TOMM20L: variants seen among roughly 807,000 people sequenced by gnomAD.
The protein encoded by TOMM20L is TOMM20-like protein 1.
A neutral mutation model predicts 20.4 loss-of-function variants in TOMM20L; 19 were observed. The ratio of observed to expected loss-of-function variants is 0.93; its 90% confidence interval spans 0.65 to 1.36. The LOEUF (loss-of-function observed/expected upper bound fraction) is 1.36. Among genes scored for constraint, TOMM20L ranks in the 40% most tolerant of loss-of-function variants. TOMM20L has a pLI of 0.00. For missense variants in TOMM20L, 218 were observed against 203.7 expected (o/e 1.07, Z -0.43); for synonymous variants, 75 against 79.6 (o/e 0.94, Z 0.30).
At chr14:58,413,389 T>G (rs1260424059), downstream of TOMM20L, among the ~76,000 whole-genome samples, 5 of 152,194 alleles carry the variant, frequency 3.3e-5, no homozygotes, top group Non-Finnish European at 4.4e-5. Context: ...CAAACACCAT[T>G]TGCTTAGAAA....
At chr14:58,397,099 G>A (rs1191867425) in intron 2 of TOMM20L, among the ~76,000 whole-genome samples, 1 of 152,196 alleles carries the variant, frequency 6.6e-6, no homozygotes, top group East Asian at 1.9e-4. Flanking sequence ...TTCCTATGTT[G>A]CCCAGGCTGA....
chr14:58,412,149 T>C, downstream of TOMM20L: 1 of 507,442 alleles, frequency 2.0e-6, no homozygotes. Flanking sequence ...AATTAGATTT[T>C]CTTTTTTTTT....
chr14:58,416,538 C>T, the TOMM20L span, among the ~76,000 whole-genome samples: 5 of 152,166 alleles, frequency 3.3e-5, no homozygotes, highest in African/African-American at 1.2e-4. Context: ...AAAATAATCG[C>T]TCAAGTTTCT....
At chr14:58,396,999 C>T (rs936754747) in intron 2 of TOMM20L, among the ~76,000 whole-genome samples, 1 of 152,142 alleles carries the variant, frequency 6.6e-6, no homozygotes, top group African/African-American at 2.4e-5. Context: ...GAGACTGAGG[C>T]AGGAGAATTG....
intron 2 of TOMM20L, among the ~76,000 whole-genome samples, chr14:58,399,992 T>C (rs2035973755): frequency 6.8e-6 from 1 of 147,992 alleles, no homozygotes; most frequent in East Asian, 2.0e-4. Context: ...TTACCCAGGT[T>C]ATTGTAATAG....
At chr14:58,399,560 C>A (rs2035965215) in intron 2 of TOMM20L, among the ~76,000 whole-genome samples, 1 of 151,970 alleles carries the variant, frequency 6.6e-6, no homozygotes, top group African/African-American at 2.4e-5. Context: ...GAAACATGGG[C>A]CTTGGGTTCT....
intron 3 of TOMM20L, among the ~76,000 whole-genome samples, chr14:58,403,605 G>T (rs962642554): frequency 6.6e-6 from 1 of 152,042 alleles, no homozygotes. Context: ...TTGGGAGGCC[G>T]AGGTGGGCGG....
Position 58,405,303 on chromosome 14 carries a change from T to C in TOMM20L, c.263-2023T>C, listed in dbSNP as rs563792562. Reference sequence around the variant, plus strand: ...ATTTTGTACTCATAATTTTATATTCTTTTTTGTAAACAAGGGCCCTCAAAT... The same window carrying C: ...ATTTTGTACTCATAATTTTATATTCCTTTTTGTAAACAAGGGCCCTCAAAT... On this transcript the variant is annotated intron_variant, in intron 3 of 4. Transcript: ENST00000360945. Among the ~76,000 whole-genome samples the C allele has an allele frequency of 1.8e-4, 28 of 152,252 alleles. No homozygotes were observed. The East Asian group carries it at 5.2e-3, about 28-fold the overall frequency.
chr14:58,409,312 C>T (rs1386453719), downstream of TOMM20L: 1 of 876,944 alleles, frequency 1.1e-6, no homozygotes, highest in African/African-American at 1.7e-5. Flanking sequence ...CAGCAACTGA[C>T]CATAGCTTTT....
chr14:58,416,489 T>C, the TOMM20L span, among the ~76,000 whole-genome samples: 2 of 152,174 alleles, frequency 1.3e-5, no homozygotes, highest in African/African-American at 4.8e-5. Flanking sequence ...TTCTCAAATG[T>C]AGGAAAACTA....
downstream of TOMM20L, among the ~76,000 whole-genome samples, chr14:58,411,665 C>T (rs377701642): frequency 5.8e-4 from 88 of 151,744 alleles, 1 homozygote; most frequent in African/African-American, 1.9e-3. Flanking sequence ...CAGCCTCCCA[C>T]GTAGCTGGGA....
At chr14:58,414,239 A>C in the TOMM20L span, among the ~76,000 whole-genome samples, 1 of 152,102 alleles carries the variant, frequency 6.6e-6, no homozygotes, top group South Asian at 2.1e-4. Context: ...GGAAAACATA[A>C]ATTCTTTATG....
chr14:58,415,980 C>G, the TOMM20L span, among the ~76,000 whole-genome samples: 5 of 151,712 alleles, frequency 3.3e-5, no homozygotes, highest in Non-Finnish European at 7.4e-5. Context: ...CTTTGGGAGG[C>G]CAAAGCGGGT....
chr14:58,410,282 C>T (rs190958328), downstream of TOMM20L, among the ~76,000 whole-genome samples: 5 of 151,880 alleles, frequency 3.3e-5, no homozygotes, highest in South Asian at 6.3e-4. Flanking sequence ...ACCATGTTGC[C>T]GAGGCTGGTT....
chr14:58,408,412 C>T (rs1156656039), intron 4 of TOMM20L, 117 bp from the exon 5 acceptor site: 46 of 878,386 alleles, frequency 5.2e-5, no homozygotes, highest in African/African-American at 1.1e-4. Context: ...AGCAAAACTC[C>T]GTCTCAAAAA....
At chr14:58,405,912 A>T (rs1374801451) in intron 3 of TOMM20L, among the ~76,000 whole-genome samples, 2 of 152,174 alleles carry the variant, frequency 1.3e-5, no homozygotes, top group South Asian at 2.1e-4. Flanking sequence ...AAACCAATTA[A>T]ATCAGAATCT....
rs1594992975 is a variant in TOMM20L, at chr14:58,395,949, C to A, written c.-9C>A. The A allele has an allele frequency of 1.2e-5, 17 of 1,388,758 alleles. No homozygotes were observed. Among genetic ancestry groups the A allele is most frequent in the East Asian group, 2.9e-5 (1 of 34,048 alleles). The allele number at this position is 1,388,758 out of a possible 1,614,324, so 86.0% of individuals were successfully genotyped here. Reference sequence around the variant, plus strand: ...CCCAACGCTCGGCTTGTGGGACGCCCGCGGTCGGATGCCCTCCGTCCGCTC... The same window carrying A: ...CCCAACGCTCGGCTTGTGGGACGCCAGCGGTCGGATGCCCTCCGTCCGCTC... On this transcript the variant is annotated 5_prime_UTR_variant, in exon 1 of 5. Coordinates refer to ENST00000360945, the MANE Select transcript of TOMM20L (RefSeq NM_207377.3).
the TOMM20L span, among the ~76,000 whole-genome samples, chr14:58,415,897 G>C: frequency 6.6e-6 from 1 of 151,894 alleles, no homozygotes; most frequent in Non-Finnish European, 1.5e-5. Context: ...AACCTACATC[G>C]ACACATAATA....
intron 2 of TOMM20L, 140 bp from the exon 3 acceptor site, chr14:58,402,540 G>A (rs1225944664): frequency 3.6e-6 from 2 of 559,436 alleles, no homozygotes; most frequent in African/African-American, 1.9e-5. Flanking sequence ...TGCCTGCCTC[G>A]GCCTCCCAAA....
Sources: gnomAD v4.1 joint callset for allele counts (sites outside exome capture counted in the v4.1 genomes callset) on GRCh38, gnomAD v4.1.1 for gene constraint, MANE v1.5 for transcripts, NCBI Gene and HGNC (gene_info 2026-07-23, HGNC 2026-07-21) for gene names.